Variants in LRRC49 observed in about 807,000 individuals in gnomAD.
LRRC49 encodes leucine rich repeat containing 49, also known as leucine-rich repeat-containing protein 49.
In LRRC49, 50 loss-of-function variants were observed where a neutral mutation model predicts 83.3. The ratio of observed to expected loss-of-function variants is 0.60; its 90% CI spans 0.48 to 0.76. The LOEUF is 0.76. Ranked by LOEUF, LRRC49 falls within the 30% of genes least tolerant of loss-of-function variation. LRRC49 has a pLI of 0.00. For missense variants in LRRC49, 704 were observed against 809.1 expected, an observed-to-expected ratio of 0.87 and a Z score of 1.58; for synonymous variants, 286 against 283.3, an observed-to-expected ratio of 1.01 and a Z score of -0.10.
intron 6 of LRRC49, among the ~76,000 whole-genome samples, chr15:70,914,945 A>G (rs888446707): frequency 6.6e-6 from 1 of 152,194 alleles, no homozygotes; most frequent in African/African-American, 2.4e-5. Flanking sequence ...CAGCTTTCCT[A>G]GATGTATTAA....
intron 9 of LRRC49, among the ~76,000 whole-genome samples, chr15:70,971,053 C>T (rs1165524203): frequency 6.6e-6 from 1 of 152,172 alleles, no homozygotes; most frequent in Non-Finnish European, 1.5e-5. Context: ...TCTTGCTTCT[C>T]TAATTCTTTC....
Position 70,977,836 on chromosome 15 carries a change from A to T in LRRC49, c.922-2265A>T, listed in dbSNP as rs190489704. On this transcript the variant is annotated intron_variant, in intron 9 of 15. Transcript: ENST00000260382. ...ATTAATTTAAATACATCTTTATTAT[A>T]AAAAAAATATGAATTTTGTTTCTAG... Among the ~76,000 whole-genome samples, 16 of 151,772 alleles carry T rather than the reference A, an allele frequency of 1.1e-4. No homozygotes were observed. In the East Asian group the frequency reaches 3.1e-3, roughly 29 times the overall value.
At chr15:70,891,974 C>T (rs945116988), upstream of LRRC49, 5 of 1,613,562 alleles carry the variant, frequency 3.1e-6, no homozygotes, top group Non-Finnish European at 4.2e-6. Context: ...TCCCTCCTCT[C>T]CCCTCTTAGG....
intron 1 of LRRC49, among the ~76,000 whole-genome samples, chr15:70,854,701 T>A (rs2032608008): frequency 6.6e-6 from 1 of 152,190 alleles, no homozygotes; most frequent in East Asian, 1.9e-4. Context: ...TCTCCAAGTG[T>A]GGTTCCCAGA....
Position 70,893,539 on chromosome 15 carries a change from T to A in LRRC49, c.49-45T>A, listed in dbSNP as rs763040132. Reference sequence around the variant, plus strand: ...CTTTTTTTTTTTTGGAAATATGTGTTTGTGTATTAAGAGCAAATTTTATGG... The same window carrying A: ...CTTTTTTTTTTTTGGAAATATGTGTATGTGTATTAAGAGCAAATTTTATGG... On this transcript the variant is annotated intron_variant, in intron 1 of 15. Transcript: ENST00000260382. 40 of 1,211,932 alleles carry A rather than the reference T, an allele frequency of 3.3e-5. No homozygotes were observed. In the East Asian group the frequency reaches 9.1e-4, roughly 28 times the overall value. 75.1% of individuals were successfully genotyped at this position (1,211,932 alleles called of 1,614,324 possible).
intron 9 of LRRC49, among the ~76,000 whole-genome samples, chr15:70,969,646 T>C (rs2036920221): frequency 6.6e-6 from 1 of 152,194 alleles, no homozygotes; most frequent in African/African-American, 2.4e-5. Flanking sequence ...TTATGTCCTC[T>C]CTTATTTCCT....
chr15:70,959,810 C>T (rs2036544573), intron 8 of LRRC49, among the ~76,000 whole-genome samples: 1 of 152,110 alleles, frequency 6.6e-6, no homozygotes, highest in African/African-American at 2.4e-5. Flanking sequence ...TTAGAGGAGT[C>T]ACACTAACCT....
chr15:70,979,144 C>T (rs940148322), intron 9 of LRRC49, among the ~76,000 whole-genome samples: 4 of 151,790 alleles, frequency 2.6e-5, no homozygotes, highest in African/African-American at 7.3e-5. Context: ...TGACAGTCTT[C>T]GGGGGAAAAA....
chr15:70,979,877 G>A (rs960403683), intron 9 of LRRC49, among the ~76,000 whole-genome samples: 10 of 152,084 alleles, frequency 6.6e-5, no homozygotes, highest in Admixed American at 5.9e-4. Flanking sequence ...CTAGGTTCAC[G>A]TCACCTCCAG....
chr15:70,961,720 A>G (rs1461958224), intron 8 of LRRC49, among the ~76,000 whole-genome samples: 2 of 152,194 alleles, frequency 1.3e-5, no homozygotes, highest in Non-Finnish European at 2.9e-5. Context: ...CAGTAGAAAG[A>G]TTTGTGGTTG....
At chr15:71,010,506 GATAAA>G (rs2038615410) in intron 13 of LRRC49, among the ~76,000 whole-genome samples, 1 of 151,620 alleles carries the variant, frequency 6.6e-6, no homozygotes, top group Non-Finnish European at 1.5e-5. Flanking sequence ...CAGGAAGAAA[GATAAA>G]ATAAGAGAAA....
intron 2 of LRRC49, among the ~76,000 whole-genome samples, chr15:70,894,992 T>TA (rs2033769705): frequency 6.6e-6 from 1 of 152,232 alleles, no homozygotes; most frequent in Non-Finnish European, 1.5e-5. Context: ...TCCACCATTA[T>TA]AATGTTTCTA....
intron 9 of LRRC49, among the ~76,000 whole-genome samples, chr15:70,966,478 T>G (rs2036798527): frequency 6.6e-6 from 1 of 152,116 alleles, no homozygotes; most frequent in African/African-American, 2.4e-5. Flanking sequence ...CTTGCCAAAA[T>G]CAGTATCGAA....
chr15:70,998,295 A>C (rs543961791), intron 11 of LRRC49, among the ~76,000 whole-genome samples: 28 of 152,246 alleles, frequency 1.8e-4, no homozygotes, highest in African/African-American at 6.7e-4. Context: ...TCTTCGTATG[A>C]CTTCAAGTTA....
At chr15:70,988,564 C>G (rs1450005912) in intron 11 of LRRC49, among the ~76,000 whole-genome samples, 20 of 151,870 alleles carry the variant, frequency 1.3e-4, no homozygotes, top group African/African-American at 3.4e-4. Context: ...GAATACAGCA[C>G]ACTGATGGGT....
intron 8 of LRRC49, among the ~76,000 whole-genome samples, chr15:70,956,202 A>T (rs906159220): frequency 1.1e-4 from 16 of 152,150 alleles, no homozygotes; most frequent in Admixed American, 1.0e-3. Context: ...CATATATGGG[A>T]ATTTTATTTC....
chr15:71,032,036 G>T (rs889575031), intron 14 of LRRC49, among the ~76,000 whole-genome samples: 1 of 152,076 alleles, frequency 6.6e-6, no homozygotes, highest in Non-Finnish European at 1.5e-5. Flanking sequence ...GGCGCCACTG[G>T]GGTATGAAAA....
chr15:70,906,281 G>C (rs1203334641), intron 5 of LRRC49, among the ~76,000 whole-genome samples: 1 of 151,748 alleles, frequency 6.6e-6, no homozygotes, highest in Non-Finnish European at 1.5e-5. Flanking sequence ...ATATTTAGTA[G>C]AGATGGGGTT....
chr15:70,910,586 T>A (rs1270474098), intron 5 of LRRC49, among the ~76,000 whole-genome samples: 1 of 152,160 alleles, frequency 6.6e-6, no homozygotes, highest in African/African-American at 2.4e-5. Context: ...ATCTGGCATA[T>A]CAAAAATTTC....
Sources: allele counts gnomAD v4.1 joint callset (sites outside exome capture counted in the v4.1 genomes callset), GRCh38; gene constraint gnomAD v4.1.1; transcripts MANE v1.5; gene names NCBI Gene and HGNC (gene_info 2026-07-23, HGNC 2026-07-21).